CDH15: variants seen among roughly 807,000 people sequenced by gnomAD.
CDH15 encodes cadherin 15.
In CDH15, 73 loss-of-function variants were observed where a neutral mutation model predicts 69.4. That is an observed-to-expected ratio of 1.05 (90% CI 0.87 to 1.28). The LOEUF (loss-of-function observed/expected upper bound fraction) is 1.28, where lower values mean the gene tolerates loss of function less well. Ranked by LOEUF, CDH15 falls within the 50% of genes most tolerant of loss-of-function variation. The pLI is 0.00. For synonymous variants in CDH15, 624 were observed against 507.7 expected, an observed-to-expected ratio of 1.23 and a Z score of -3.08; for missense variants, 1,343 against 1,133.6, an observed-to-expected ratio of 1.18 and a Z score of -2.65.
intron 7 of CDH15, 87 bp downstream of exon 7, chr16:89,188,372 AGATG>A: frequency 1.1e-6 from 1 of 912,150 alleles, no homozygotes; most frequent in Non-Finnish European, 1.8e-6. Flanking sequence ...CGGCACACAC[AGATG>A]CCCACACACA....
chr16:89,184,609 T>TTTATCCTGCCCTTGAATCCTCTGTC (rs1313606668), intron 4 of CDH15, among the ~76,000 whole-genome samples: 2 of 151,746 alleles, frequency 1.3e-5, no homozygotes, highest in African/African-American at 4.8e-5. Flanking sequence ...CATCCTCTGT[T>TTTATCCTGCCCTTGAATCCTCTGTC]TTATCCTGCC....
Position 89,190,505 on chromosome 16 carries a change from C to T in CDH15, c.1232+9C>T, listed in dbSNP as rs746915420. The T allele has an allele frequency of 3.2e-6, 5 of 1,583,518 alleles. No individual in the cohort carries two copies. The East Asian group carries it at 9.1e-5, about 29-fold the overall frequency. On this transcript the variant is annotated intron_variant, in intron 8 of 13. Coordinates refer to ENST00000289746, the MANE Select transcript of CDH15 (RefSeq NM_004933.3). ...CAGCTGCAGAGGCTCAGGTGGGGCTCCTGAGGCCCTGGGAGAGGTAGAGGA... is the reference window on the plus strand; with the variant it reads ...CAGCTGCAGAGGCTCAGGTGGGGCTTCTGAGGCCCTGGGAGAGGTAGAGGA...
intron 5 of CDH15, 41 bp from the exon 6 acceptor site, chr16:89,187,388 C>T (rs2151602041): frequency 1.2e-6 from 2 of 1,609,744 alleles, no homozygotes; most frequent in Admixed American, 1.7e-5. Context: ...ATGTGCCCCA[C>T]CTGGGCCCTC....
intron 5 of CDH15, chr16:89,185,681 G>A (rs899011536): frequency 1.6e-5 from 6 of 373,520 alleles, no homozygotes; most frequent in Admixed American, 3.9e-5. Flanking sequence ...CCTTGCTGTC[G>A]GACTTCGGTG....
chr16:89,187,816 T>C (rs1460755026), intron 6 of CDH15, among the ~76,000 whole-genome samples: 1 of 152,162 alleles, frequency 6.6e-6, no homozygotes, highest in Non-Finnish European at 1.5e-5. Flanking sequence ...CCTCTCGCAT[T>C]GCAGAGCAAG....
At chr16:89,183,522 C>A (rs1404972670) in intron 3 of CDH15, 26 bp from the exon 4 acceptor site, 1 of 1,613,836 alleles carries the variant, frequency 6.2e-7, no homozygotes, top group South Asian at 1.1e-5. Context: ...GGCCACAGAG[C>A]CAGCCCTTGC....
At chr16:89,194,501 C>T (rs10438575) in intron 13 of CDH15, among the ~76,000 whole-genome samples, 40,219 of 152,110 alleles carry the variant, frequency 0.26, 7,774 homozygotes, top group African/African-American at 0.54. Flanking sequence ...GGCCGTTCTG[C>T]GGATGGGGGT....
At chr16:89,174,005 C>G (rs1012271013) in intron 1 of CDH15, among the ~76,000 whole-genome samples, 11 of 152,180 alleles carry the variant, frequency 7.2e-5, no homozygotes, top group African/African-American at 2.4e-4. Context: ...TCAGCAGCAC[C>G]CTGGGGGCCA....
intron 13 of CDH15, among the ~76,000 whole-genome samples, chr16:89,194,335 G>A (rs928520376): frequency 2.0e-5 from 3 of 152,220 alleles, no homozygotes; most frequent in African/African-American, 7.2e-5. Context: ...AATCTGGGGT[G>A]TGGGGCGCAC....
chr16:89,189,963 A>G (rs1833999863), intron 7 of CDH15, among the ~76,000 whole-genome samples: 1 of 152,240 alleles, frequency 6.6e-6, no homozygotes, highest in African/African-American at 2.4e-5. Context: ...AAGTGACTGC[A>G]GGGGCTGGCG....
chr16:89,179,598 G>C, intron 2 of CDH15, 24 bp downstream of exon 2: 1 of 1,551,380 alleles, frequency 6.4e-7, no homozygotes, highest in Non-Finnish European at 8.7e-7. Flanking sequence ...GGGGGCAGGA[G>C]GGGAGAAAGG....
intron 8 of CDH15, among the ~76,000 whole-genome samples, chr16:89,191,106 ATGTG>A (rs1185428507): frequency 6.6e-5 from 10 of 151,112 alleles, no homozygotes; most frequent in Admixed American, 5.3e-4. Context: ...ATATATGTGC[ATGTG>A]TGTGTGCTGT....
chr16:89,181,818 A>G (rs1365376075), intron 3 of CDH15, among the ~76,000 whole-genome samples: 2 of 151,826 alleles, frequency 1.3e-5, no homozygotes, highest in African/African-American at 4.8e-5. Flanking sequence ...GTGCGCCTGT[A>G]GTCCCAGCTA....
At chr16:89,184,560 T>C (rs2151600710) in intron 4 of CDH15, among the ~76,000 whole-genome samples, 1 of 152,340 alleles carries the variant, frequency 6.6e-6, no homozygotes, top group African/African-American at 2.4e-5. Context: ...GCGCGTCCTC[T>C]GCTCGGCTGT....
In CDH15 at chr16:89,191,957, C is replaced by T. The variant is rs1915656691; in HGVS notation, c.1615+63C>T. 5 of 1,454,212 alleles carry T rather than the reference C, an allele frequency of 3.4e-6. No individual in the cohort carries two copies. In the East Asian group the frequency reaches 1.2e-4, roughly 36 times the overall value. 90.1% of individuals were successfully genotyped at this position (1,454,212 alleles called of 1,614,324 possible). On this transcript the variant is annotated intron_variant, in intron 10 of 13. Coordinates refer to ENST00000289746, the MANE Select transcript of CDH15 (RefSeq NM_004933.3). The stretch of plus-strand genomic sequence containing the variant: ...CGCTCCCCCCACCCCCACATTCCGG[C>T]CTCGGACGGGGGCAGGAGGGTGAGG...
chr16:89,185,367 C>T (rs749029884), intron 5 of CDH15, 34 bp downstream of exon 5: 14 of 1,566,268 alleles, frequency 8.9e-6, no homozygotes, highest in Admixed American at 7.4e-5. Flanking sequence ...CACACCCGCA[C>T]GGCCAGGGCA....
chr16:89,179,594 A>C lies in CDH15; in HGVS notation c.201+20A>C, dbSNP rs371059456. The C allele has an allele frequency of 3.2e-6, 5 of 1,558,512 alleles. No individual in the cohort carries two copies. Among genetic ancestry groups the C allele is most frequent in the Non-Finnish European group, 4.3e-6 (5 of 1,151,028 alleles). ...GTTCAGGTGAGCAGGTGGAGGGGGC[A>C]GGAGGGGAGAAAGGGGTAGGCTGGT... On this transcript the variant is annotated intron_variant, in intron 2 of 13. Coordinates refer to ENST00000289746, the MANE Select transcript of CDH15 (RefSeq NM_004933.3).
intron 11 of CDH15, 122 bp from the exon 12 acceptor site, chr16:89,193,348 C>A (rs1235757520): frequency 7.4e-5 from 40 of 541,914 alleles, no homozygotes; most frequent in African/African-American, 7.1e-4. Flanking sequence ...GCCGCCCCCT[C>A]AACCCCACCC....
chr16:89,186,339 A>AC (rs1915486381), intron 5 of CDH15: 24 of 131,506 alleles, frequency 1.8e-4, no homozygotes, highest in Admixed American at 3.7e-4. Context: ...TGCTCTGTAA[A>AC]GGCTCACCCA....
Sources: gnomAD v4.1 joint callset for allele counts (sites outside exome capture counted in the v4.1 genomes callset) on GRCh38, gnomAD v4.1.1 for gene constraint, MANE v1.5 for transcripts, NCBI Gene and HGNC (gene_info 2026-07-23, HGNC 2026-07-21) for gene names.